The following WDFY3 variants were observed in gnomAD, a reference collection of about 807,000 sequenced individuals.
The protein encoded by WDFY3 is WD repeat and FYVE domain containing 3, also known as WD repeat and FYVE domain-containing protein 3.
A neutral mutation model predicts 409.6 loss-of-function variants in WDFY3; 66 were observed. That is an observed-to-expected ratio of 0.16 (90% CI 0.13 to 0.20). The LOEUF is 0.20. Ranked by LOEUF, WDFY3 falls within the 10% of genes least tolerant of loss-of-function variation. The pLI, the probability that WDFY3 is intolerant of heterozygous loss-of-function variation, is 1.00. For missense variants in WDFY3, 3,031 were observed against 4,298.1 expected (o/e 0.71, Z 8.24); for synonymous variants, 1,521 against 1,537.1 (o/e 0.99, Z 0.25).
Position 84,789,895 on chromosome 4 carries a change from C to T in WDFY3, c.3500G>A (p.Ser1167Asn). ...ELLQNYVDDF[S>N]EESSFYEILP... The stretch of plus-strand genomic sequence containing the variant: ...AATTTCATAAAATGAGGACTCTTCA[C>T]TAAAATCATCAACTGAAATAAAGGG... The change falls in exon 22 of 68, where the codon AGT becomes AAT. Residue 1167 changes from serine to asparagine, a missense_variant. By Grantham distance (46) the Ser-to-Asn change is conservative. Transcript: ENST00000295888. 5 of 1,613,974 alleles carry T rather than the reference C, an allele frequency of 3.1e-6. No homozygotes were observed. The highest frequency in any genetic ancestry group is 3.4e-6 in the Non-Finnish European group (4 of 1,179,960).
At chr4:84,733,736 A>G (rs1409277412) in intron 43 of WDFY3, 127 bp from the exon 44 acceptor site, 3 of 908,958 alleles carry the variant, frequency 3.3e-6, no homozygotes, top group Non-Finnish European at 4.9e-6. Context: ...AGTTAACATT[A>G]TAAAAGTAAA....
chr4:84,736,680 T>C (rs1737485450), intron 41 of WDFY3, among the ~76,000 whole-genome samples: 1 of 152,202 alleles, frequency 6.6e-6, no homozygotes, highest in East Asian at 1.9e-4. Flanking sequence ...TTTAAAAGGC[T>C]ATACAGCTTA....
At chr4:84,847,178 A>C (rs903451916) in intron 5 of WDFY3, among the ~76,000 whole-genome samples, 1 of 152,080 alleles carries the variant, frequency 6.6e-6, no homozygotes, top group African/African-American at 2.4e-5. Flanking sequence ...AGTCAGGCAT[A>C]TATCTTCCAA....
chr4:84,916,091 G>C (rs74919593), intron 2 of WDFY3, among the ~76,000 whole-genome samples: 1 of 152,166 alleles, frequency 6.6e-6, no homozygotes. Flanking sequence ...ATAGGTACAA[G>C]ACAACTATCT....
chr4:84,699,643 G>T (rs1331513131), intron 56 of WDFY3, among the ~76,000 whole-genome samples: 2 of 152,038 alleles, frequency 1.3e-5, no homozygotes, highest in Non-Finnish European at 2.9e-5. Flanking sequence ...TCCCACAGTG[G>T]CTAAACCATT....
chr4:84,941,521 T>C (rs961936861), intron 1 of WDFY3, among the ~76,000 whole-genome samples: 1 of 151,948 alleles, frequency 6.6e-6, no homozygotes, highest in Admixed American at 6.6e-5. Context: ...AATGATGAAA[T>C]AAACCAAAGA....
intron 1 of WDFY3, among the ~76,000 whole-genome samples, chr4:84,939,655 T>G (rs1182168669): frequency 6.6e-6 from 1 of 152,134 alleles, no homozygotes; most frequent in Non-Finnish European, 1.5e-5. Context: ...TATACTTACT[T>G]GATTATTAAA....
chr4:84,854,699 C>T (rs1051132169), intron 4 of WDFY3, among the ~76,000 whole-genome samples: 7 of 152,264 alleles, frequency 4.6e-5, no homozygotes, highest in African/African-American at 1.7e-4. Flanking sequence ...CACCTGAGGT[C>T]AGGCGTTGAG....
chr4:84,746,500 T>C (rs773135327), intron 36 of WDFY3, among the ~76,000 whole-genome samples: 5 of 152,178 alleles, frequency 3.3e-5, no homozygotes, highest in African/African-American at 7.2e-5. Context: ...ATATTCTTTC[T>C]TATTCCAGAA....
chr4:84,953,941 T>A (rs952428846), intron 1 of WDFY3, among the ~76,000 whole-genome samples: 1 of 152,176 alleles, frequency 6.6e-6, no homozygotes, highest in Non-Finnish European at 1.5e-5. Context: ...TCATTAAGTG[T>A]CCATAGCACT....
chr4:84,817,328 G>C (rs1753441973), intron 13 of WDFY3, 64 bp downstream of exon 13: 6 of 1,582,920 alleles, frequency 3.8e-6, no homozygotes, highest in Non-Finnish European at 4.3e-6. Context: ...CTTAAATACA[G>C]ATCATCTAAA....
chr4:84,753,993 CT>C, intron 34 of WDFY3, 117 bp from the exon 35 acceptor site: 1 of 1,125,226 alleles, frequency 8.9e-7, no homozygotes, highest in East Asian at 2.9e-5. Context: ...TGGTCCAGAA[CT>C]CTGTAAACCA....
chr4:84,671,492 TTA>T lies in WDFY3; in HGVS notation c.*1374_*1375del, dbSNP rs771296073. 1.1e-3 allele frequency: 155 copies of T among 146,838 alleles called. No individual in the cohort carries two copies. Among genetic ancestry groups the T allele is most frequent in the Middle Eastern group, 3.6e-3 (1 of 280 alleles). The allele number at this position is 146,838 out of a possible 1,614,324, so 9.1% of individuals were successfully genotyped here. Reference sequence around the variant, plus strand: ...TTAATTGTTTCATTTTTAATATATATTATATATATATATATATGTACATAACA... The same window carrying T: ...TTAATTGTTTCATTTTTAATATATATTATATATATATATATGTACATAACA... On this transcript the variant is annotated 3_prime_UTR_variant, in exon 68 of 68. Transcript: ENST00000295888.
chr4:84,720,320 G>A (rs927307289), intron 47 of WDFY3, among the ~76,000 whole-genome samples: 3 of 152,120 alleles, frequency 2.0e-5, no homozygotes, highest in Non-Finnish European at 2.9e-5. Flanking sequence ...AGCTTCCTAT[G>A]TTTGAATATT....
At chr4:84,888,558 A>C (rs1764528197) in intron 3 of WDFY3, among the ~76,000 whole-genome samples, 2 of 152,202 alleles carry the variant, frequency 1.3e-5, no homozygotes, top group Non-Finnish European at 1.5e-5. Flanking sequence ...TTTTGATTTA[A>C]AAAAGATACT....
intron 3 of WDFY3, among the ~76,000 whole-genome samples, chr4:84,870,896 A>T (rs532061277): frequency 3.0e-4 from 46 of 152,112 alleles, no homozygotes; most frequent in Non-Finnish European, 4.9e-4. Context: ...TAAAAAAAAA[A>T]AAGAAATGCT....
Position 84,705,476 on chromosome 4 carries a change from G to A in WDFY3, c.8253C>T (p.Asn2751=). The A allele has an allele frequency of 6.2e-7, 1 of 1,613,984 alleles. No homozygotes were observed. Among genetic ancestry groups the A allele is most frequent in the Non-Finnish European group, 8.5e-7 (1 of 1,179,962 alleles). ...VDLTNPKTFR[N]LAKPMGAQTD... ...TTTGTGCTCCCATTGGCTTAGCCAGGTTTCTAAACGTCTTGGGATTAGTAA... is the reference window on the plus strand; with the variant it reads ...TTTGTGCTCCCATTGGCTTAGCCAGATTTCTAAACGTCTTGGGATTAGTAA... Residue 2751 remains asparagine (N), a synonymous_variant, in exon 54 of 68, where the codon AAC becomes AAT. Transcript: ENST00000295888.
intron 10 of WDFY3, among the ~76,000 whole-genome samples, chr4:84,823,549 T>A (rs1291811067): frequency 6.6e-6 from 1 of 151,724 alleles, no homozygotes; most frequent in Admixed American, 6.6e-5. Flanking sequence ...TATTAAGGGA[T>A]AAAGAACTTA....
At chr4:84,764,340 T>C (rs1051217164) in intron 32 of WDFY3, among the ~76,000 whole-genome samples, 1 of 152,204 alleles carries the variant, frequency 6.6e-6, no homozygotes, top group Non-Finnish European at 1.5e-5. Flanking sequence ...TAATCATATC[T>C]GTAGATTAAA....
Sources: allele counts gnomAD v4.1 joint callset (sites outside exome capture counted in the v4.1 genomes callset), GRCh38; gene constraint gnomAD v4.1.1; transcripts MANE v1.5; gene names NCBI Gene and HGNC (gene_info 2026-07-23, HGNC 2026-07-21).